AFF3: variants seen among roughly 807,000 people sequenced by gnomAD.
The protein encoded by AFF3 is ALF transcription elongation factor 3.
In AFF3, 32 loss-of-function variants were observed where a neutral mutation model predicts 129.7. That is an observed-to-expected ratio of 0.25 (90% CI 0.19 to 0.33). The LOEUF (loss-of-function observed/expected upper bound fraction) is 0.33. Among genes scored for constraint, AFF3 ranks in the 10% least tolerant of loss-of-function variants. The pLI is 1.00. For synonymous variants in AFF3, 644 were observed against 635.4 expected (o/e 1.01, Z -0.20); for missense variants, 1,373 against 1,592.0 (o/e 0.86, Z 2.34).
chr2:100,116,002 T>C, intron 2 of AFF3, among the ~76,000 whole-genome samples: 1 of 152,186 alleles, frequency 6.6e-6, no homozygotes, highest in East Asian at 1.9e-4. Flanking sequence ...AGTTATTCTT[T>C]ACATATTTGA....
At chr2:99,881,904 G>C (rs1215573459) in intron 7 of AFF3, among the ~76,000 whole-genome samples, 3 of 152,174 alleles carry the variant, frequency 2.0e-5, no homozygotes. Context: ...GAGAAATCAG[G>C]GTTTTGTACT....
intron 8 of AFF3, among the ~76,000 whole-genome samples, chr2:99,766,941 C>A (rs1356669691): frequency 2.0e-5 from 3 of 152,212 alleles, no homozygotes; most frequent in Non-Finnish European, 4.4e-5. Context: ...TCTTAGTACT[C>A]AAGGGCGAAT....
At chr2:99,734,676 T>TAA (rs1337503141) in intron 10 of AFF3, among the ~76,000 whole-genome samples, 7 of 152,030 alleles carry the variant, frequency 4.6e-5, no homozygotes, top group Middle Eastern at 3.2e-3. Flanking sequence ...GTTAATATTA[T>TAA]AAAAAGGATC....
At chr2:100,076,947 G>GT (rs1395855602) in intron 4 of AFF3, among the ~76,000 whole-genome samples, 1 of 152,144 alleles carries the variant, frequency 6.6e-6, no homozygotes, top group Admixed American at 6.5e-5. Context: ...CTGTGCAGAT[G>GT]TAAGTTAAAG....
chr2:100,118,987 G>T lies in AFF3; in HGVS notation c.-145+10237C>A, dbSNP rs546077195. 2.0e-5 allele frequency among the ~76,000 whole-genome samples: 3 copies of T among 152,182 alleles called. No individual in the cohort carries two copies. The South Asian group carries it at 6.2e-4, about 32-fold the overall frequency. ...AGCTAATTTTTGTATTTTTAGCAGA[G>T]ACGGGGTTTCACCATGTTGGCCATG... On this transcript the variant is annotated intron_variant, in intron 2 of 24. Coordinates refer to ENST00000672756, the MANE Select transcript of AFF3 (RefSeq NM_001386135.1).
chr2:99,847,288 G>A (rs566425283), intron 7 of AFF3, among the ~76,000 whole-genome samples: 7 of 151,754 alleles, frequency 4.6e-5, no homozygotes, highest in Admixed American at 2.6e-4. Flanking sequence ...CAATTCTCCC[G>A]CCTCAGCCTC....
chr2:99,957,032 A>C (rs1417848563), intron 7 of AFF3, among the ~76,000 whole-genome samples: 2 of 152,252 alleles, frequency 1.3e-5, no homozygotes, highest in Non-Finnish European at 2.9e-5. Flanking sequence ...CCTTGTGCTA[A>C]AGCCTTGGGT....
intron 1 of AFF3, among the ~76,000 whole-genome samples, chr2:100,141,750 T>C (rs1692887018): frequency 6.6e-6 from 1 of 152,200 alleles, no homozygotes; most frequent in African/African-American, 2.4e-5. Flanking sequence ...TTCAAAAATC[T>C]GGTCACTGTG....
intron 7 of AFF3, among the ~76,000 whole-genome samples, chr2:99,857,109 C>T (rs901061421): frequency 6.6e-6 from 1 of 151,924 alleles, no homozygotes; most frequent in Non-Finnish European, 1.5e-5. Context: ...ACATAGGTTT[C>T]AAGAAGATTG....
chr2:99,971,104 C>G (rs937778870), intron 7 of AFF3, among the ~76,000 whole-genome samples: 1 of 152,130 alleles, frequency 6.6e-6, no homozygotes, highest in African/African-American at 2.4e-5. Context: ...TTTATTAAGC[C>G]ACAAGATCTA....
At chr2:99,989,891 C>G (rs765493541) in intron 7 of AFF3, among the ~76,000 whole-genome samples, 2 of 152,194 alleles carry the variant, frequency 1.3e-5, no homozygotes, top group Admixed American at 1.3e-4. Context: ...CATTTTGCTG[C>G]TTTCCCACGT....
intron 4 of AFF3, among the ~76,000 whole-genome samples, chr2:100,049,429 T>C (rs980544491): frequency 2.6e-5 from 4 of 152,214 alleles, no homozygotes; most frequent in Non-Finnish European, 5.9e-5. Context: ...ATGAGGCTAA[T>C]GAGATGTGAC....
chr2:99,798,732 C>T (rs1310192296), intron 8 of AFF3, among the ~76,000 whole-genome samples: 9 of 151,920 alleles, frequency 5.9e-5, no homozygotes, highest in Non-Finnish European at 1.3e-4. Flanking sequence ...TCTAACGGAC[C>T]AATCAATATG....
At chr2:99,908,664 G>A (rs1694893679) in intron 7 of AFF3, among the ~76,000 whole-genome samples, 1 of 152,130 alleles carries the variant, frequency 6.6e-6, no homozygotes, top group Admixed American at 6.5e-5. Context: ...AGTGGACAAA[G>A]GATATAAACA....
At chr2:99,821,016 G>T (rs1243355888) in intron 8 of AFF3, among the ~76,000 whole-genome samples, 1 of 151,640 alleles carries the variant, frequency 6.6e-6, no homozygotes, top group African/African-American at 2.4e-5. Flanking sequence ...GGGATTACAG[G>T]TGCACGCCAC....
Position 99,585,151 on chromosome 2 carries a change from G to A in AFF3, c.2591+2003C>T, listed in dbSNP as rs141542683. Among the ~76,000 whole-genome samples the A allele has an allele frequency of 8.4e-3, 1,277 of 152,248 alleles. 22 individuals carry two copies. The highest frequency in any genetic ancestry group is 0.029 in the African/African-American group (1,200 of 41,530). ...AACAGCCTGATTATAATTGTTTCTC[G>A]AAATGTGAGTGAAGAAAGACCTTTT... On this transcript the variant is annotated intron_variant, in intron 16 of 24. Coordinates refer to ENST00000672756, the MANE Select transcript of AFF3 (RefSeq NM_001386135.1).
chr2:99,611,193 C>T (rs1391079365), intron 13 of AFF3, among the ~76,000 whole-genome samples: 2 of 152,132 alleles, frequency 1.3e-5, no homozygotes, highest in African/African-American at 4.8e-5. Flanking sequence ...ACCCCCCCTA[C>T]TTTTTCAGTT....
intron 4 of AFF3, among the ~76,000 whole-genome samples, chr2:100,035,644 A>T (rs1684838032): frequency 6.6e-6 from 1 of 152,210 alleles, no homozygotes; most frequent in South Asian, 2.1e-4. Flanking sequence ...TTTGAAGAGC[A>T]AAAACCTTCT....
intron 7 of AFF3, among the ~76,000 whole-genome samples, chr2:99,992,305 G>T (rs1680429830): frequency 6.6e-6 from 1 of 152,064 alleles, no homozygotes; most frequent in Non-Finnish European, 1.5e-5. Flanking sequence ...ATTAAATGTG[G>T]TCACCAGAGA....
Sources: gnomAD v4.1 joint callset for allele counts (sites outside exome capture counted in the v4.1 genomes callset) on GRCh38, gnomAD v4.1.1 for gene constraint, MANE v1.5 for transcripts, NCBI Gene and HGNC (gene_info 2026-07-23, HGNC 2026-07-21) for gene names.